GALNTL6: variants seen among roughly 807,000 people sequenced by gnomAD.
The protein encoded by GALNTL6 is polypeptide N-acetylgalactosaminyltransferase-like 6.
A neutral mutation model predicts 73.7 loss-of-function variants in GALNTL6; 46 were observed. That is an observed-to-expected ratio of 0.62 (90% confidence interval 0.49 to 0.80). The LOEUF (loss-of-function observed/expected upper bound fraction) is 0.80, where lower values mean the gene tolerates loss of function less well. Among genes scored for constraint, GALNTL6 ranks in the 30% least tolerant of loss-of-function variants. GALNTL6 has a pLI of 0.00. For synonymous variants in GALNTL6, 259 were observed against 263.7 expected, an observed-to-expected ratio of 0.98 and a Z score of 0.17; for missense variants, 604 against 755.0, an observed-to-expected ratio of 0.80 and a Z score of 2.34.
chr4:172,173,883 A>C (rs1420833051), intron 2 of GALNTL6, among the ~76,000 whole-genome samples: 4 of 152,142 alleles, frequency 2.6e-5, no homozygotes, highest in African/African-American at 9.7e-5. Context: ...AAAACACAGT[A>C]AGCAGGGTAC....
At chr4:172,443,823 G>A (rs1045864375) in intron 5 of GALNTL6, among the ~76,000 whole-genome samples, 1 of 152,120 alleles carries the variant, frequency 6.6e-6, no homozygotes, top group Non-Finnish European at 1.5e-5. Context: ...TCTTTATAAG[G>A]ACACTTATTC....
chr4:172,965,953 G>T lies in GALNTL6; in HGVS notation c.1371+13695G>T, dbSNP rs563510815. 4.1e-4 allele frequency among the ~76,000 whole-genome samples: 62 copies of T among 152,168 alleles called. No individual in the cohort carries two copies. The South Asian group carries it at 6.4e-3, about 16-fold the overall frequency. On this transcript the variant is annotated intron_variant, in intron 10 of 12. Transcript: ENST00000506823. ...AATTCATCTTAGTATTTAATTTTCAGTGAAAATTAGTGCCTTTCTAATTCC... is the reference window on the plus strand; with the variant it reads ...AATTCATCTTAGTATTTAATTTTCATTGAAAATTAGTGCCTTTCTAATTCC...
chr4:173,009,339 G>C (rs766174441), intron 11 of GALNTL6, 45 bp downstream of exon 11: 2 of 1,104,910 alleles, frequency 1.8e-6, no homozygotes, highest in South Asian at 2.5e-5. Context: ...CCAGTCGGGG[G>C]CTGATGCAGA....
chr4:171,908,115 C>A (rs1737351884), intron 2 of GALNTL6, among the ~76,000 whole-genome samples: 1 of 152,178 alleles, frequency 6.6e-6, no homozygotes, highest in Admixed American at 6.5e-5. Context: ...ACATCAAAAG[C>A]AATGGCAACC....
At chr4:172,358,436 G>A (rs1267507359) in intron 5 of GALNTL6, among the ~76,000 whole-genome samples, 3 of 152,274 alleles carry the variant, frequency 2.0e-5, no homozygotes, top group Non-Finnish European at 4.4e-5. Context: ...CAGGCCGCGT[G>A]CGGCCCAGGC....
intron 4 of GALNTL6, among the ~76,000 whole-genome samples, chr4:172,341,258 C>T (rs906586485): frequency 4.2e-4 from 63 of 151,196 alleles, no homozygotes; most frequent in Non-Finnish European, 6.9e-4. Flanking sequence ...GAGACCATCC[C>T]GGCTAAAACG....
At chr4:172,677,345 A>G (rs1732362136) in intron 5 of GALNTL6, among the ~76,000 whole-genome samples, 1 of 152,166 alleles carries the variant, frequency 6.6e-6, no homozygotes, top group East Asian at 1.9e-4. Context: ...GATTTGTAAT[A>G]GCACTTACTA....
chr4:171,863,992 C>T (rs899064010), intron 2 of GALNTL6, among the ~76,000 whole-genome samples: 1 of 152,054 alleles, frequency 6.6e-6, no homozygotes, highest in Non-Finnish European at 1.5e-5. Context: ...GACCTCCTGC[C>T]CTCAGGTGAT....
rs80054862 is a variant in GALNTL6 at position 172,980,950 on chromosome 4, T to G, written c.1372-28228T>G. ...CTCACATAAGTAGAATCACACAATATATTTCCTTTAGAGACTGGCTTATTT... is the reference window on the plus strand; with the variant it reads ...CTCACATAAGTAGAATCACACAATAGATTTCCTTTAGAGACTGGCTTATTT... On this transcript the variant is annotated intron_variant, in intron 10 of 12. Transcript: ENST00000506823. Among the ~76,000 whole-genome samples the G allele has an allele frequency of 5.1e-3, 775 of 152,336 alleles. 10 individuals are homozygous for G. The highest frequency in any genetic ancestry group is 0.018 in the African/African-American group (745 of 41,572).
intron 2 of GALNTL6, among the ~76,000 whole-genome samples, chr4:172,004,191 A>T (rs184956988): frequency 3.9e-5 from 6 of 152,282 alleles, no homozygotes; most frequent in African/African-American, 1.4e-4. Context: ...TCCTAACTGC[A>T]AAGAGTTATT....
chr4:172,931,377 A>C, intron 9 of GALNTL6, 109 bp downstream of exon 9: 1 of 728,728 alleles, frequency 1.4e-6, no homozygotes, highest in Admixed American at 2.0e-5. Context: ...GTGTACAGAG[A>C]GCTCCTGTGC....
At chr4:172,412,642 A>T (rs1744489707) in intron 5 of GALNTL6, among the ~76,000 whole-genome samples, 9 of 152,218 alleles carry the variant, frequency 5.9e-5, no homozygotes, top group Admixed American at 5.9e-4. Context: ...ATAGATGGGC[A>T]CAATGTAAAC....
chr4:172,411,889 C>T (rs1287347110), intron 5 of GALNTL6, among the ~76,000 whole-genome samples: 2 of 151,644 alleles, frequency 1.3e-5, no homozygotes, highest in African/African-American at 2.4e-5. Flanking sequence ...ACTTTCATGG[C>T]GTTTATATTC....
intron 2 of GALNTL6, among the ~76,000 whole-genome samples, chr4:171,991,211 G>C (rs1740322648): frequency 6.6e-6 from 1 of 152,140 alleles, no homozygotes; most frequent in East Asian, 1.9e-4. Context: ...TTTAAGAAAA[G>C]ATGTGTAAGA....
chr4:172,367,540 A>G (rs1341225306), intron 5 of GALNTL6, among the ~76,000 whole-genome samples: 2 of 152,134 alleles, frequency 1.3e-5, no homozygotes, highest in Admixed American at 6.5e-5. Context: ...TTCTGCATAC[A>G]GTCTGTATTG....
At position 172,323,058 on chromosome 4, in the gene GALNTL6, G is replaced by A. The variant is rs201381939; in HGVS notation, c.386+11306G>A. On this transcript the variant is annotated intron_variant, in intron 4 of 12. Coordinates refer to ENST00000506823, the MANE Select transcript of GALNTL6 (RefSeq NM_001034845.3). Reference sequence around the variant, plus strand: ...ACTATATTTCTGCCATGCTTCATGAGCACATGGCTGCAGGAACACAACAAA... The same window carrying A: ...ACTATATTTCTGCCATGCTTCATGAACACATGGCTGCAGGAACACAACAAA... Among the ~76,000 whole-genome samples the A allele has an allele frequency of 9.9e-4, 150 of 152,212 alleles. 2 individuals carry two copies. The South Asian group carries it at 0.016, about 16-fold the overall frequency.
intron 5 of GALNTL6, among the ~76,000 whole-genome samples, chr4:172,658,131 CAG>C (rs1293657200): frequency 1.4e-5 from 1 of 73,828 alleles, no homozygotes; most frequent in African/African-American, 5.8e-5. Flanking sequence ...GCCTGGGTGA[CAG>C]AGCGAGACTC....
At chr4:172,450,858 T>C (rs1306141754) in intron 5 of GALNTL6, among the ~76,000 whole-genome samples, 1 of 152,240 alleles carries the variant, frequency 6.6e-6, no homozygotes, top group African/African-American at 2.4e-5. Flanking sequence ...CTACCTGAAA[T>C]AGACTCCAGT....
chr4:172,107,119 C>T (rs955813239), intron 2 of GALNTL6, among the ~76,000 whole-genome samples: 5 of 152,060 alleles, frequency 3.3e-5, no homozygotes, highest in African/African-American at 4.8e-5. Flanking sequence ...GTGATCTGCC[C>T]GCCTCGGCCT....
Sources: allele counts gnomAD v4.1 joint callset (sites outside exome capture counted in the v4.1 genomes callset), GRCh38; gene constraint gnomAD v4.1.1; transcripts MANE v1.5; gene names NCBI Gene and HGNC (gene_info 2026-07-23, HGNC 2026-07-21).